MEF2D: variants seen among roughly 807,000 people sequenced by gnomAD.
MEF2D encodes myocyte-specific enhancer factor 2D.
Under a neutral mutation model 59.3 loss-of-function variants are expected in MEF2D, and 10 were observed. The observed-to-expected ratio is 0.17, with a 90% CI of 0.10 to 0.29. The LOEUF (loss-of-function observed/expected upper bound fraction) is 0.29, where lower values mean the gene tolerates loss of function less well. Ranked by LOEUF, MEF2D falls within the 10% of genes least tolerant of loss-of-function variation. The probability of loss-of-function intolerance (pLI) is 1.00; values close to 1 mark genes in which losing one functional copy is unlikely to be tolerated. For synonymous variants in MEF2D, 305 were observed against 295.0 expected (o/e 1.03, Z -0.35); for missense variants, 508 against 699.4 (o/e 0.73, Z 3.09).
At position 156,468,998 on chromosome 1, in the gene MEF2D, C is replaced by A. The variant is rs370458757; in HGVS notation, c.1029G>T (p.Glu343Asp). ...YNTDYQLTSA[E>D]LSSLPAFSSP... ...AACTAAAGGCTGGTAAGGAGGAGAG[C>A]TCTGCACTGGTCAACTGGTAATCTG... is the stretch of plus-strand genomic sequence containing the variant. The change falls in exon 10 of 12, where the codon GAG becomes GAT. Residue 343 changes from glutamate to aspartate, a missense_variant. Around this residue, in one of 2 missense-constraint regions of MEF2D, gnomAD observed 481 missense variants for 584.7 expected, o/e 0.82. Transcript: ENST00000348159. This position sits in a 1 kb window ranked among gnomAD's most constrained non-coding sequence, Gnocchi z 4.3. 7.5e-6 allele frequency: 12 copies of A among 1,603,356 alleles called. No homozygotes were observed. The highest frequency in any genetic ancestry group is 1.0e-5 in the Non-Finnish European group (12 of 1,171,254).
In MEF2D at chr1:156,465,833, G is replaced by A. The variant is rs1670805142; in HGVS notation, c.*1812C>T. On this transcript the variant is annotated 3_prime_UTR_variant, in exon 12 of 12. Coordinates refer to ENST00000348159, the MANE Select transcript of MEF2D (RefSeq NM_005920.4). ...CATCAAGTATGGGAATACTGCAAGAGGCTGGGTCATAGAGGTGGGCAAAGA... is the reference window on the plus strand; with the variant it reads ...CATCAAGTATGGGAATACTGCAAGAAGCTGGGTCATAGAGGTGGGCAAAGA... 1 of 152,186 alleles carries A rather than the reference G, an allele frequency of 6.6e-6. No homozygotes were observed. The highest frequency in any genetic ancestry group is 2.4e-5 in the African/African-American group (1 of 41,418). 9.4% of individuals were successfully genotyped at this position (152,186 alleles called of 1,614,324 possible). A position where few individuals can be genotyped will look rare whatever the true frequency, so the allele number is the denominator to read the frequency against.
At chr1:156,471,625 G>C (rs1238066961) in intron 9 of MEF2D, among the ~76,000 whole-genome samples, 8 of 152,212 alleles carry the variant, frequency 5.3e-5, no homozygotes, top group Non-Finnish European at 7.3e-5. Context: ...CCACCTGGCA[G>C]CCTACTGGTC....
chr1:156,498,121 A>AC (rs1673247780), intron 1 of MEF2D, among the ~76,000 whole-genome samples: 1 of 150,868 alleles, frequency 6.6e-6, no homozygotes, highest in African/African-American at 2.4e-5. Context: ...AAAAAAAAAA[A>AC]AAAAAACCCT....
chr1:156,497,438 G>A (rs1216900271), intron 1 of MEF2D, among the ~76,000 whole-genome samples: 1 of 152,234 alleles, frequency 6.6e-6, no homozygotes, highest in Admixed American at 6.5e-5. Context: ...GAGAATCCCA[G>A]CACCACAGTG....
At position 156,477,111 on chromosome 1, in the gene MEF2D, T is replaced by C. The variant is rs2274317; in HGVS notation, c.756A>G (p.Pro252=). 1,026,531 of 1,613,322 alleles carry C rather than the reference T, an allele frequency of 0.64. 332,444 individuals carry two copies. Among genetic ancestry groups the C allele is most frequent in the East Asian group, 0.72 (32,323 of 44,828 alleles). The change falls in exon 7 of 12, where the codon CCA becomes CCG. Residue 252 remains proline (P), a synonymous_variant. Transcript: ENST00000348159. ...GCTGGGTGCTGTGGGTAGGTGGGGG[T>C]GGAGACTTGGCAGGGATGACCTTGT... The part of the protein sequence containing the change: ...SLNKVIPAKS[P]PPPTHSTQLG...
intron 9 of MEF2D, among the ~76,000 whole-genome samples, chr1:156,472,506 C>T (rs533048886): frequency 3.9e-5 from 6 of 152,328 alleles, no homozygotes; most frequent in East Asian, 3.9e-4. Context: ...TAACCTGCCA[C>T]GAGGGGCTTT....
intron 4 of MEF2D, 31 bp from the exon 5 acceptor site, chr1:156,479,827 G>C (rs1270394817): frequency 6.5e-7 from 1 of 1,547,884 alleles, no homozygotes; most frequent in East Asian, 2.4e-5. Context: ...GCAGGATCAG[G>C]CCAGGTTGAC....
intron 3 of MEF2D, among the ~76,000 whole-genome samples, chr1:156,481,919 G>A (rs1277874802): frequency 6.6e-6 from 1 of 152,262 alleles, no homozygotes; most frequent in African/African-American, 2.4e-5. Context: ...GCCGGTAAAG[G>A]TCAGAACTGA....
chr1:156,474,560 C>T (rs1671441504), intron 9 of MEF2D, among the ~76,000 whole-genome samples: 2 of 152,202 alleles, frequency 1.3e-5, no homozygotes, highest in Admixed American at 6.5e-5. Context: ...GTCGGTAACA[C>T]AGCACTTTGG....
Position 156,480,843 on chromosome 1 carries a change from C to G in MEF2D, c.387G>C (p.Arg129=). The change falls in exon 4 of 12, where the codon CGG becomes CGC. Residue 129 remains arginine (R), a synonymous_variant. Transcript: ENST00000348159. ...AGTGAGTGGGGCTCACCCCATAGCGCCGGAAGAGCCCGTCGAGCTCCTCGC... is the reference window on the plus strand; with the variant it reads ...AGTGAGTGGGGCTCACCCCATAGCGGCGGAAGAGCCCGTCGAGCTCCTCGC... ...RASEELDGLF[R]RYGSTVPAPN... is the part of the protein sequence containing the mutation. 1.3e-6 allele frequency: 2 copies of G among 1,593,718 alleles called. No homozygotes were observed. Among genetic ancestry groups the G allele is most frequent in the South Asian group, 2.3e-5 (2 of 87,338 alleles).
At chr1:156,482,690 A>AT in intron 2 of MEF2D, 50 bp from the exon 3 acceptor site, 5 of 1,562,714 alleles carry the variant, frequency 3.2e-6, no homozygotes, top group Non-Finnish European at 4.4e-6. Flanking sequence ...TTAAGGCCTG[A>AT]TTGGGAGTCC....
rs1344887273 is a variant in MEF2D, at chr1:156,464,909, T to C, written c.*2736A>G. 6.6e-6 allele frequency: 1 copy of C among 152,242 alleles called. No individual in the cohort carries two copies. Among genetic ancestry groups the C allele is most frequent in the African/African-American group, 2.4e-5 (1 of 41,450 alleles). The allele number at this position is 152,242 out of a possible 1,614,324, so 9.4% of individuals were successfully genotyped here. A position where few individuals can be genotyped will look rare whatever the true frequency, so the allele number is the denominator to read the frequency against. ...CAGCCTAGAAAGGTGGGCAGACTAATGGTGGGAATAGCCTGAGAAGGGAAG... is the reference window on the plus strand; with the variant it reads ...CAGCCTAGAAAGGTGGGCAGACTAACGGTGGGAATAGCCTGAGAAGGGAAG... On this transcript the variant is annotated 3_prime_UTR_variant, in exon 12 of 12. Coordinates refer to ENST00000348159, the MANE Select transcript of MEF2D (RefSeq NM_005920.4).
In MEF2D at chr1:156,464,842, AG is replaced by A. The variant is rs1448243819; in HGVS notation, c.*2802del. On this transcript the variant is annotated 3_prime_UTR_variant, in exon 12 of 12. Transcript: ENST00000348159. Reference sequence around the variant, plus strand: ...TGGTGAATATTGCACCGTGAATTGCAGGGGCCCTCACCCCCACCCCGTGTTT... The same window carrying A: ...TGGTGAATATTGCACCGTGAATTGCAGGGCCCTCACCCCCACCCCGTGTTT... The A allele has an allele frequency of 1.3e-5, 2 of 152,102 alleles. No individual in the cohort carries two copies. Among genetic ancestry groups the A allele is most frequent in the African/African-American group, 2.4e-5 (1 of 41,398 alleles). 9.4% of individuals were successfully genotyped at this position (152,102 alleles called of 1,614,324 possible). A position where few individuals can be genotyped will look rare whatever the true frequency, so the allele number is the denominator to read the frequency against.
intron 1 of MEF2D, among the ~76,000 whole-genome samples, chr1:156,487,197 G>C (rs1434349187): frequency 6.6e-6 from 1 of 152,218 alleles, no homozygotes; most frequent in Non-Finnish European, 1.5e-5. Context: ...GCCTCATGCT[G>C]GGGGAGCTGG....
rs1460927810 is a variant in MEF2D, at chr1:156,480,077, C to T, written c.397-281G>A. Among the ~76,000 whole-genome samples the T allele has an allele frequency of 2.0e-5, 3 of 152,092 alleles. No homozygotes were observed. In the East Asian group the frequency reaches 5.8e-4, roughly 29 times the overall value. ...CTGCAGACAGGACCAGGGACACCCC[C>T]TAGTGGAGGTGGGTTAGTCCTCAGC... On this transcript the variant is annotated intron_variant, in intron 4 of 11. Coordinates refer to ENST00000348159, the MANE Select transcript of MEF2D (RefSeq NM_005920.4).
intron 9 of MEF2D, among the ~76,000 whole-genome samples, chr1:156,469,883 A>G (rs1671121492): frequency 6.6e-6 from 1 of 151,452 alleles, no homozygotes; most frequent in African/African-American, 2.4e-5. Flanking sequence ...CTCAAAAAGA[A>G]AAAAAAAATC....
intron 9 of MEF2D, among the ~76,000 whole-genome samples, chr1:156,472,321 T>G (rs72994641): frequency 0.01 from 1,540 of 152,276 alleles, 29 homozygotes; most frequent in African/African-American, 0.035. Context: ...CCACAGCGTG[T>G]GTCTTCTGAA....
chr1:156,474,330 T>A (rs1476908566), intron 9 of MEF2D, among the ~76,000 whole-genome samples: 10 of 152,076 alleles, frequency 6.6e-5, no homozygotes, highest in Admixed American at 6.6e-4. Flanking sequence ...ATGCCTGTAA[T>A]CCCAGCTACT....
Position 156,500,494 on chromosome 1 carries a change from C to T in MEF2D, c.-147G>A, listed in dbSNP as rs1020514112. On this transcript the variant is annotated 5_prime_UTR_variant, in exon 1 of 12. Transcript: ENST00000348159. ...TATTTTTCTCTACTCACCAGCCCGGCTGGGGGAACGGTGTTGTCACGGCAA... is the reference window on the plus strand; with the variant it reads ...TATTTTTCTCTACTCACCAGCCCGGTTGGGGGAACGGTGTTGTCACGGCAA... The T allele has an allele frequency of 3.3e-5, 5 of 152,426 alleles. No homozygotes were observed. The highest frequency in any genetic ancestry group is 9.6e-5 in the African/African-American group (4 of 41,586). The allele number at this position is 152,426 out of a possible 1,614,324, so 9.4% of individuals were successfully genotyped here.
Sources: allele counts gnomAD v4.1 joint callset (sites outside exome capture counted in the v4.1 genomes callset), GRCh38; gene constraint gnomAD v4.1.1; regional missense constraint gnomAD v4.1.1; non-coding constraint Gnocchi (gnomAD v3.1); transcripts MANE v1.5; gene names NCBI Gene and HGNC (gene_info 2026-07-23, HGNC 2026-07-21).